DCAF1: variants seen among roughly 807,000 people sequenced by gnomAD.
The protein encoded by DCAF1 is DDB1- and CUL4-associated factor 1.
In DCAF1, 15 loss-of-function variants were observed where a neutral mutation model predicts 128.0. That is an observed-to-expected ratio of 0.12 (90% CI 0.08 to 0.18). DCAF1 has a LOEUF of 0.18. Among genes scored for constraint, DCAF1 ranks in the 10% least tolerant of loss-of-function variants. DCAF1 has a pLI of 1.00. For missense variants in DCAF1, 988 were observed against 1,649.5 expected (o/e 0.60, Z 6.95); for synonymous variants, 610 against 603.0 (o/e 1.01, Z -0.17).
chr3:51,446,999 T>TAATAATAATAATAATAATAAA (rs370193180), intron 6 of DCAF1, among the ~76,000 whole-genome samples: 58 of 148,146 alleles, frequency 3.9e-4, no homozygotes, highest in African/African-American at 9.1e-4. Context: ...ATAATAATAA[T>TAATAATAATAATAATAATAAA]AAAATGTTTT....
At chr3:51,487,857 T>C (rs1156641412) in intron 2 of DCAF1, among the ~76,000 whole-genome samples, 1 of 151,498 alleles carries the variant, frequency 6.6e-6, no homozygotes, top group East Asian at 1.9e-4. Flanking sequence ...ACTATTTATT[T>C]ATTTATTTAT....
intron 3 of DCAF1, among the ~76,000 whole-genome samples, chr3:51,471,223 G>A (rs1343260025): frequency 2.9e-5 from 4 of 138,958 alleles, no homozygotes; most frequent in Non-Finnish European, 6.1e-5. Context: ...TCGCTCTGTC[G>A]CCCAGGCTGG....
At chr3:51,491,040 G>GAAAAAAAA (rs56102341) in intron 2 of DCAF1, among the ~76,000 whole-genome samples, 1 of 128,282 alleles carries the variant, frequency 7.8e-6, no homozygotes, top group African/African-American at 2.9e-5. Context: ...AACAATCTTG[G>GAAAAAAAA]AAAAAAAAAA....
At chr3:51,466,295 A>G (rs1442010410) in intron 5 of DCAF1, among the ~76,000 whole-genome samples, 1 of 152,158 alleles carries the variant, frequency 6.6e-6, no homozygotes, top group East Asian at 1.9e-4. Context: ...TAAATCCAAA[A>G]CATGGACCCC....
Position 51,420,568 on chromosome 3 carries a change from T to C in DCAF1, c.2402A>G (p.Asp801Gly). The C allele has an allele frequency of 1.2e-6, 2 of 1,613,920 alleles. No individual in the cohort carries two copies. The highest frequency in any genetic ancestry group is 1.7e-6 in the Non-Finnish European group (2 of 1,179,878). The stretch of plus-strand genomic sequence containing the variant: ...AGCATACTTGCAGAACTTGACATGG[T>C]CACTGCGCTTGTCCTGCAGCACAGG... ...KEPVLQDKRS[D>G]HVKFCKYAAE... Residue 801 changes from aspartate (D) to glycine (G), a missense_variant, in exon 15 of 25, where the codon GAC becomes GGC. This residue lies in a region of DCAF1 where 76 missense variants were observed against 186.9 expected (regional missense o/e 0.41). Coordinates refer to ENST00000684031, the MANE Select transcript of DCAF1 (RefSeq NM_001387579.1). This position sits in a 1 kb window ranked among gnomAD's most constrained non-coding sequence, Gnocchi z 6.5.
chr3:51,427,360 C>G lies in DCAF1; in HGVS notation c.1847+12G>C. 1 of 698,914 alleles carries G rather than the reference C, an allele frequency of 1.4e-6. No individual in the cohort carries two copies. Among genetic ancestry groups the G allele is most frequent in the Non-Finnish European group, 2.6e-6 (1 of 377,936 alleles). The allele number at this position is 698,914 out of a possible 1,614,324, so 43.3% of individuals were successfully genotyped here. A position where few individuals can be genotyped will look rare whatever the true frequency, so the allele number is the denominator to read the frequency against. On this transcript the variant is annotated intron_variant, in intron 13 of 24. Transcript: ENST00000684031. Reference sequence around the variant, plus strand: ...GCATCAAACTTCATTTGAAATCTCTCTCTGGTCCCACCTTGCATAATAGGT... The same window carrying G: ...GCATCAAACTTCATTTGAAATCTCTGTCTGGTCCCACCTTGCATAATAGGT...
chr3:51,422,261 A>T (rs1559492487), intron 14 of DCAF1, 46 bp downstream of exon 14: 1 of 735,230 alleles, frequency 1.4e-6, no homozygotes. Flanking sequence ...CAAAGAAAAA[A>T]CAAATCCAGA....
intron 1 of DCAF1, among the ~76,000 whole-genome samples, 166 bp downstream of exon 1, chr3:51,499,707 C>T (rs1708645831): frequency 6.6e-6 from 1 of 151,768 alleles, no homozygotes; most frequent in African/African-American, 2.4e-5. Flanking sequence ...CCTGTCAGGC[C>T]CCGGGCCCAG....
intron 14 of DCAF1, among the ~76,000 whole-genome samples, chr3:51,421,582 A>C (rs527260644): frequency 1.3e-5 from 2 of 152,230 alleles, no homozygotes; most frequent in African/African-American, 4.8e-5. Flanking sequence ...ATTTTAATAC[A>C]CTAAAACCTT....
chr3:51,504,504 C>T (rs1337907608), upstream of DCAF1, among the ~76,000 whole-genome samples: 1 of 152,092 alleles, frequency 6.6e-6, no homozygotes, highest in Admixed American at 6.6e-5. Flanking sequence ...CCCGCCACAA[C>T]ACCTGGCTAA....
chr3:51,491,436 A>G (rs1175885816), intron 2 of DCAF1, among the ~76,000 whole-genome samples: 3 of 152,200 alleles, frequency 2.0e-5, no homozygotes, highest in African/African-American at 7.2e-5. Flanking sequence ...TGGCACTGAC[A>G]TAAGGATCAA....
intron 2 of DCAF1, among the ~76,000 whole-genome samples, chr3:51,486,027 G>T (rs1323321286): frequency 2.6e-5 from 4 of 151,816 alleles, no homozygotes; most frequent in Non-Finnish European, 4.4e-5. Context: ...AAGTAGCTGG[G>T]ACTACATGCT....
intron 12 of DCAF1, among the ~76,000 whole-genome samples, chr3:51,428,331 C>CTTTTT (rs35486639): frequency 7.2e-5 from 8 of 110,492 alleles, no homozygotes; most frequent in South Asian, 3.1e-4. Context: ...CCACCATGCC[C>CTTTTT]TTTTTTTTTT....
intron 14 of DCAF1, among the ~76,000 whole-genome samples, chr3:51,421,784 T>C (rs1699413686): frequency 6.6e-6 from 1 of 152,118 alleles, no homozygotes; most frequent in South Asian, 2.1e-4. Flanking sequence ...ATTATCAAAG[T>C]ATATTTTCCT....
At chr3:51,500,119 A>G (rs1553663640), upstream of DCAF1, 159 of 10,730 alleles carry the variant, frequency 0.015, no homozygotes, top group Middle Eastern at 0.036. Context: ...GATCGGGGAA[A>G]AAAAAAAAAA....
rs1553630589 is a variant in DCAF1, at chr3:51,416,879, CA to C, written c.3519-9del. 4.4e-6 allele frequency: 7 copies of C among 1,603,090 alleles called. No homozygotes were observed. Among genetic ancestry groups the C allele is most frequent in the Non-Finnish European group, 6.0e-6 (7 of 1,174,442 alleles). On this transcript the variant is annotated splice_polypyrimidine_tract_variant and intron_variant, in intron 17 of 24. Coordinates refer to ENST00000684031, the MANE Select transcript of DCAF1 (RefSeq NM_001387579.1). The stretch of plus-strand genomic sequence containing the variant: ...TCTTCTGTGAAGGAATGCCTATGGA[CA>C]AACAACAGGAGCACTGAAGTGACAG...
chr3:51,486,835 T>C (rs1553655666), intron 2 of DCAF1, among the ~76,000 whole-genome samples: 1 of 152,056 alleles, frequency 6.6e-6, no homozygotes, highest in African/African-American at 2.4e-5. Context: ...AGTTTCACCA[T>C]ATTGGCCAGG....
intron 3 of DCAF1, among the ~76,000 whole-genome samples, chr3:51,476,063 T>G (rs1297017111): frequency 1.3e-5 from 2 of 151,934 alleles, no homozygotes; most frequent in Non-Finnish European, 2.9e-5. Context: ...AATTGTGGGG[T>G]TTTTTTCTTC....
chr3:51,471,825 C>T (rs976315377), intron 3 of DCAF1, among the ~76,000 whole-genome samples: 8 of 151,880 alleles, frequency 5.3e-5, no homozygotes, highest in Non-Finnish European at 7.4e-5. Flanking sequence ...CAAGAGATTG[C>T]GCCACTGCAC....
Sources: gnomAD v4.1 joint callset for allele counts (sites outside exome capture counted in the v4.1 genomes callset) on GRCh38, gnomAD v4.1.1 for gene constraint, gnomAD v4.1.1 regional missense constraint, Gnocchi (gnomAD v3.1) non-coding constraint, MANE v1.5 for transcripts, NCBI Gene and HGNC (gene_info 2026-07-23, HGNC 2026-07-21) for gene names.